TAB3: variants seen among roughly 807,000 people sequenced by gnomAD.
The protein encoded by TAB3 is TGF-beta activated kinase 1 (MAP3K7) binding protein 3.
TAB3 carries 18 observed loss-of-function variants against 48.1 expected under a neutral mutation model. That is an observed-to-expected ratio of 0.37 (90% CI 0.26 to 0.55). TAB3 has a LOEUF of 0.55. Ranked by LOEUF, TAB3 falls within the 20% of genes least tolerant of loss-of-function variation. The pLI, the probability that TAB3 is intolerant of heterozygous loss-of-function variation, is 0.78. For synonymous variants in TAB3, 185 were observed against 190.2 expected (o/e 0.97, Z 0.22); for missense variants, 414 against 549.8 (o/e 0.75, Z 2.47).
chrX:30,874,535 G>C (rs1019406205), intron 1 of TAB3, among the ~76,000 whole-genome samples: 1 of 112,114 alleles, frequency 8.9e-6, no homozygotes, highest in Non-Finnish European at 1.9e-5. Flanking sequence ...CAAATGTCAA[G>C]TACCTACAAA....
intron 2 of TAB3, among the ~76,000 whole-genome samples, chrX:30,868,340 T>TTATA (rs369498124): frequency 1.7e-4 from 1 of 5,953 alleles, no homozygotes; most frequent in African/African-American, 9.1e-4. Context: ...ATATAAGCTT[T>TTATA]TATATATATA....
Position 30,855,329 on chromosome X carries a change from T to A in TAB3, c.336A>T (p.Ala112=). The part of the protein sequence containing the change: ...SSDGHIDPQH[A]AGKQLICLVQ... ...CTAAACATATCAGCTGTTTACCTGC[T>A]GCATGCTGAGGATCAATATGTCCAT... Residue 112 remains alanine, a synonymous_variant, in exon 6 of 11, where the codon GCA becomes GCT. Coordinates refer to ENST00000288422, the MANE Select transcript of TAB3 (RefSeq NM_152787.5). 8.3e-7 allele frequency: 1 copy of A among 1,211,918 alleles called. No homozygotes were observed. Among genetic ancestry groups the A allele is most frequent in the Non-Finnish European group, 1.1e-6 (1 of 895,536 alleles).
intron 1 of TAB3, among the ~76,000 whole-genome samples, chrX:30,888,783 TC>T (rs1490880802): frequency 8.0e-5 from 9 of 112,557 alleles, no homozygotes; most frequent in Admixed American, 1.8e-4. Context: ...AGGCTCACTC[TC>T]CGCAATGCCT....
At chrX:30,833,569 C>T (rs1938092792) in intron 10 of TAB3, among the ~76,000 whole-genome samples, 1 of 110,631 alleles carries the variant, frequency 9.0e-6, no homozygotes, top group African/African-American at 3.3e-5. Flanking sequence ...CGGTGGCTCA[C>T]GCCTGTAATC....
chrX:30,835,657 TTA>T (rs1174898482), intron 9 of TAB3: 6 of 112,024 alleles, frequency 5.4e-5, no homozygotes, highest in African/African-American at 1.9e-4. Context: ...TCTACCACTG[TTA>T]TGAGTTACTA....
chrX:30,868,179 G>A (rs1939468494), intron 2 of TAB3, among the ~76,000 whole-genome samples: 1 of 102,823 alleles, frequency 9.7e-6, no homozygotes, highest in Non-Finnish European at 2.0e-5. Flanking sequence ...TTACAGGTGT[G>A]AGCCACCACA....
chrX:30,835,625 A>G (rs1211518494), intron 9 of TAB3: 1 of 111,714 alleles, frequency 9.0e-6, no homozygotes, highest in Non-Finnish European at 1.9e-5. Context: ...TACACACTGT[A>G]TTGTTTAACT....
rs1937947966 is a variant in TAB3 at position 30,828,598 on chromosome X, G to A, written c.*2829C>T. On this transcript the variant is annotated 3_prime_UTR_variant, in exon 11 of 11. Transcript: ENST00000288422. ...TTAAAAACTACTCCAAAATTTAAGG[G>A]GCAATGTACTTTAACAAAATGGCAA... 3.6e-5 allele frequency: 4 copies of A among 112,216 alleles called. No individual in the cohort carries two copies. Among genetic ancestry groups the A allele is most frequent in the Non-Finnish European group, 7.5e-5 (4 of 53,349 alleles). 9.2% of individuals were successfully genotyped at this position (112,216 alleles called of 1,213,427 possible).
At chrX:30,868,979 C>T (rs1939587041) in intron 2 of TAB3, among the ~76,000 whole-genome samples, 2 of 108,902 alleles carry the variant, frequency 1.8e-5, no homozygotes, top group African/African-American at 6.7e-5. Flanking sequence ...GAGCAAGAAG[C>T]ACTGTGCACT....
intron 10 of TAB3, among the ~76,000 whole-genome samples, chrX:30,833,337 G>GT (rs969734180): frequency 9.1e-6 from 1 of 110,060 alleles, no homozygotes; most frequent in Non-Finnish European, 1.9e-5. Flanking sequence ...GCCCAAAAAC[G>GT]TAACACTTAA....
In TAB3 at chrX:30,831,562, G is replaced by A; in HGVS notation, c.2004C>T (p.Gly668=). ...GTTGTGTCCGAGGACTTTGTGTGGA[G>A]CCAGTTCGATGCTCTGAGGGAGGTT... ...QAAAADEHRT[G]STQSPRTQPR... The change falls in exon 11 of 11, where the codon GGC becomes GGT. Residue 668 remains glycine (G), a synonymous_variant. Coordinates refer to ENST00000288422, the MANE Select transcript of TAB3 (RefSeq NM_152787.5). 1 of 1,211,247 alleles carries A rather than the reference G, an allele frequency of 8.3e-7. No individual in the cohort carries two copies. The highest frequency in any genetic ancestry group is 1.1e-6 in the Non-Finnish European group (1 of 895,347).
rs1353631843 is a variant in TAB3 at position 30,830,957 on chromosome X, T to C, written c.*470A>G. 3 of 90,221 alleles carry C rather than the reference T, an allele frequency of 3.3e-5. No homozygotes were observed. Among genetic ancestry groups the C allele is most frequent in the Non-Finnish European group, 6.4e-5 (3 of 46,662 alleles). 7.4% of individuals were successfully genotyped at this position (90,221 alleles called of 1,213,427 possible). A position where few individuals can be genotyped will look rare whatever the true frequency, so the allele number is the denominator to read the frequency against. ...CTAGGTGCTTTTTCCTGTTGTCCTC[T>C]TTAGTAGGAAGCAATGGGAAGAAGC... On this transcript the variant is annotated 3_prime_UTR_variant, in exon 11 of 11. Coordinates refer to ENST00000288422, the MANE Select transcript of TAB3 (RefSeq NM_152787.5).
intron 9 of TAB3, chrX:30,835,718 G>A (rs1327772296): frequency 2.7e-5 from 3 of 112,359 alleles, no homozygotes; most frequent in Non-Finnish European, 3.8e-5. Flanking sequence ...CGTACACACT[G>A]TATTGCTTAA....
chrX:30,874,015 C>A, intron 1 of TAB3, among the ~76,000 whole-genome samples: 1 of 110,734 alleles, frequency 9.0e-6, no homozygotes, highest in Non-Finnish European at 1.9e-5. Context: ...CTCCACAAAA[C>A]AATATAAAAA....
chrX:30,879,712 T>A (rs1939943139), intron 1 of TAB3, among the ~76,000 whole-genome samples: 1 of 111,546 alleles, frequency 9.0e-6, no homozygotes, highest in South Asian at 3.7e-4. Flanking sequence ...TATTACTACT[T>A]CTATTCTGCA....
rs1326010991 is a variant in TAB3 at position 30,868,468 on chromosome X, TTATATATATAGCTTATA to T, written c.-279-936_-279-920del. On this transcript the variant is annotated intron_variant, in intron 2 of 10. Coordinates refer to ENST00000288422, the MANE Select transcript of TAB3 (RefSeq NM_152787.5). ...TATATAGCTTATATATATATATAGC[TTATATATATAGCTTATA>T]TATATATATAGCTTATATATATATA... 1.5e-3 allele frequency among the ~76,000 whole-genome samples: 44 copies of T among 29,078 alleles called. 3 individuals carry two copies. Among genetic ancestry groups the T allele is most frequent in the African/African-American group, 6.5e-3 (39 of 6,017 alleles). 25.3% of individuals were successfully genotyped at this position (29,078 alleles called of 115,157 possible).
At chrX:30,884,599 C>CAA (rs376927653) in intron 1 of TAB3, among the ~76,000 whole-genome samples, 5 of 71,361 alleles carry the variant, frequency 7.0e-5, no homozygotes, top group African/African-American at 1.0e-4. Flanking sequence ...GTTTGGAAAC[C>CAA]AAAAAAAAAA....
chrX:30,831,280 G>T lies in TAB3; in HGVS notation c.*147C>A. 7.5e-6 allele frequency: 5 copies of T among 666,296 alleles called. No homozygotes were observed. The highest frequency in any genetic ancestry group is 1.1e-5 in the Non-Finnish European group (5 of 470,430). 54.9% of individuals were successfully genotyped at this position (666,296 alleles called of 1,213,427 possible). ...GACCTCCCCATTTTTCCTTTCGTGA[G>T]CACAACGACGACCACAAAGCCATTC... On this transcript the variant is annotated 3_prime_UTR_variant, in exon 11 of 11. Coordinates refer to ENST00000288422, the MANE Select transcript of TAB3 (RefSeq NM_152787.5).
In TAB3 at chrX:30,831,564, C is replaced by T. The variant is rs764856579; in HGVS notation, c.2002G>A (p.Gly668Ser). 2 of 1,208,488 alleles carry T rather than the reference C, an allele frequency of 1.7e-6. No individual in the cohort carries two copies. The highest frequency in any genetic ancestry group is 5.9e-5 in the East Asian group (2 of 33,746). ...TGTGTCCGAGGACTTTGTGTGGAGC[C>T]AGTTCGATGCTCTGAGGGAGGTTAG... ...QAAAADEHRT[G>S]STQSPRTQPR... The change falls in exon 11 of 11, where the codon GGC (glycine) becomes AGC (serine). Residue 668 changes from glycine (G) to serine (S), a missense_variant. By Grantham distance (56) the Gly-to-Ser change is moderately conservative (BLOSUM62 0). Transcript: ENST00000288422.
Sources: allele counts gnomAD v4.1 joint callset (sites outside exome capture counted in the v4.1 genomes callset), GRCh38; gene constraint gnomAD v4.1.1; transcripts MANE v1.5; gene names NCBI Gene and HGNC (gene_info 2026-07-23, HGNC 2026-07-21).